IGF2R: variants seen among roughly 807,000 people sequenced by gnomAD.
IGF2R encodes cation-independent mannose-6-phosphate receptor.
In IGF2R, 91 loss-of-function variants were observed where a neutral mutation model predicts 270.6. The ratio of observed to expected loss-of-function variants is 0.34; its 90% CI spans 0.28 to 0.40. IGF2R has a LOEUF of 0.40. IGF2R is among the 10% of genes least tolerant of loss of function. The pLI, the probability that IGF2R is intolerant of heterozygous loss-of-function variation, is 1.00. For missense variants in IGF2R, 2,805 were observed against 3,188.3 expected (o/e 0.88, Z 2.90); for synonymous variants, 1,316 against 1,258.9 (o/e 1.05, Z -0.96).
intron 20 of IGF2R, 64 bp downstream of exon 20, chr6:160,056,589 G>C: frequency 2.8e-6 from 3 of 1,083,506 alleles, no homozygotes; most frequent in Non-Finnish European, 4.3e-6. Flanking sequence ...ACTCACCCCA[G>C]TGTTCCAGCT....
chr6:159,991,739 C>G (rs1437989493), intron 2 of IGF2R, among the ~76,000 whole-genome samples: 2 of 152,198 alleles, frequency 1.3e-5, no homozygotes, highest in Non-Finnish European at 2.9e-5. Context: ...AGTTCCCAGA[C>G]AGTGTTTCTG....
chr6:160,060,969 A>G (rs1778426640), intron 23 of IGF2R, among the ~76,000 whole-genome samples: 1 of 152,220 alleles, frequency 6.6e-6, no homozygotes, highest in Admixed American at 6.5e-5. Context: ...GATACATCTT[A>G]AGAACAGAGA....
At chr6:160,030,857 T>C (rs1192608102) in intron 7 of IGF2R, among the ~76,000 whole-genome samples, 1 of 150,606 alleles carries the variant, frequency 6.6e-6, no homozygotes, top group Admixed American at 6.6e-5. Context: ...AGTGTCTTGC[T>C]CTGTCGCCCC....
At chr6:160,056,094 G>A (rs1778311201) in intron 19 of IGF2R, among the ~76,000 whole-genome samples, 1 of 152,154 alleles carries the variant, frequency 6.6e-6, no homozygotes, top group East Asian at 1.9e-4. Flanking sequence ...TTGCCTTTGT[G>A]TATGGCTTCT....
intron 37 of IGF2R, among the ~76,000 whole-genome samples, chr6:160,079,187 G>C (rs1778920567): frequency 6.6e-6 from 1 of 152,210 alleles, no homozygotes; most frequent in African/African-American, 2.4e-5. Flanking sequence ...TCAGGTCCAT[G>C]CTTCAGCGTG....
intron 2 of IGF2R, among the ~76,000 whole-genome samples, chr6:159,993,343 G>A (rs893363025): frequency 2.6e-5 from 4 of 152,092 alleles, no homozygotes; most frequent in African/African-American, 9.7e-5. Context: ...CCTGGGTTTT[G>A]TTCTAGAATA....
At position 160,079,573 on chromosome 6, in the gene IGF2R, T is replaced by C; in HGVS notation, c.5479-7T>C. ...TCTGCTGACGGCCACGCATGGTTTT[T>C]GTCCAGGTGACTCGCGACTCGCGCA... On this transcript the variant is annotated splice_polypyrimidine_tract_variant and splice_region_variant and intron_variant, in intron 37 of 47. Coordinates refer to ENST00000356956, the MANE Select transcript of IGF2R (RefSeq NM_000876.4). The C allele has an allele frequency of 2.8e-6, 4 of 1,421,012 alleles. No homozygotes were observed. The highest frequency in any genetic ancestry group is 3.7e-6 in the Non-Finnish European group (4 of 1,080,968). 88.0% of individuals were successfully genotyped at this position (1,421,012 alleles called of 1,614,324 possible). A position where few individuals can be genotyped will look rare whatever the true frequency, so the allele number is the denominator to read the frequency against.
Position 160,047,921 on chromosome 6 carries a change from A to T in IGF2R, c.2345+14A>T, listed in dbSNP as rs1235677881. The T allele has an allele frequency of 6.5e-7, 1 of 1,540,840 alleles. No homozygotes were observed. On this transcript the variant is annotated intron_variant, in intron 17 of 47. Transcript: ENST00000356956. ...CGACCTCTCCAGGTGAGGCAGAGTC[A>T]GCTGCTCTGTTTTTGGCCTGGTACA...
intron 2 of IGF2R, among the ~76,000 whole-genome samples, chr6:160,002,985 A>C (rs1018832230): frequency 2.6e-5 from 4 of 152,206 alleles, no homozygotes; most frequent in African/African-American, 9.7e-5. Context: ...AACTTGAGGT[A>C]ATGTACTCAC....
In IGF2R at chr6:160,024,650, G is replaced by A; in HGVS notation, c.592G>A (p.Val198Met). 6.2e-7 allele frequency: 1 copy of A among 1,614,110 alleles called. No homozygotes were observed. Among genetic ancestry groups the A allele is most frequent in the Non-Finnish European group, 8.5e-7 (1 of 1,180,002 alleles). ...PLIKLSGAYLVDDSDPDTSLF... is the reference protein window; with the variant it reads ...PLIKLSGAYLMDDSDPDTSLF... ...GATCAAGCTTAGTGGTGCCTACTTG[G>A]TGGATGACTCCGATCCGGACACTTC... is the stretch of plus-strand genomic sequence containing the variant. The change falls in exon 5 of 48, where the codon GTG becomes ATG. Residue 198 changes from valine (V) to methionine (M), a missense_variant. Around this residue, in one of 2 missense-constraint regions of IGF2R, gnomAD observed 954 missense variants for 981.1 expected, o/e 0.97. Coordinates refer to ENST00000356956, the MANE Select transcript of IGF2R (RefSeq NM_000876.4).
At chr6:160,072,625 G>A in intron 32 of IGF2R, 140 bp from the exon 33 acceptor site, 1 of 802,428 alleles carries the variant, frequency 1.2e-6, no homozygotes, top group Non-Finnish European at 2.1e-6. Flanking sequence ...GGCTGTTGGT[G>A]GAGGATTTAG....
At position 160,083,995 on chromosome 6, in the gene IGF2R, A is replaced by G; in HGVS notation, c.5879A>G (p.Asp1960Gly). 1 of 1,614,184 alleles carries G rather than the reference A, an allele frequency of 6.2e-7. No homozygotes were observed. The highest frequency in any genetic ancestry group is 8.5e-7 in the Non-Finnish European group (1 of 1,179,992). ...TSSIIFKCDE[D>G]EDIGRPQVFS... ...AGCATCATATTTAAGTGTGATGAAG[A>G]TGAGGACATTGGGAGGCCACAAGTC... The change falls in exon 40 of 48, where the codon GAT (aspartate) becomes GGT (glycine). Residue 1960 changes from aspartate (D) to glycine (G), a missense_variant. Asp to Gly is a moderately conservative substitution (Grantham distance 94, BLOSUM62 -1). Coordinates refer to ENST00000356956, the MANE Select transcript of IGF2R (RefSeq NM_000876.4).
rs969491941 is a variant in IGF2R at position 160,028,260 on chromosome 6, G to T, written c.776+946G>T. On this transcript the variant is annotated intron_variant, in intron 6 of 47. Coordinates refer to ENST00000356956, the MANE Select transcript of IGF2R (RefSeq NM_000876.4). Reference sequence around the variant, plus strand: ...TTCACGTGGCCTTCCCTCTGCGGGGGTCTGTGTCCGAATCTCCTCTTCTGA... The same window carrying T: ...TTCACGTGGCCTTCCCTCTGCGGGGTTCTGTGTCCGAATCTCCTCTTCTGA... Among the ~76,000 whole-genome samples, 14 of 152,174 alleles carry T rather than the reference G, an allele frequency of 9.2e-5. 1 individual carries two copies. Among genetic ancestry groups the T allele is most frequent in the Non-Finnish European group, 1.6e-4 (11 of 68,032 alleles).
In IGF2R at chr6:160,076,003, G is replaced by A; in HGVS notation, c.5316+7G>A. ...TAAGAGAGGTGTGAGCATGGTAAGTGTGGGCCTGTGACGATCTAGATGCTC... is the reference window on the plus strand; with the variant it reads ...TAAGAGAGGTGTGAGCATGGTAAGTATGGGCCTGTGACGATCTAGATGCTC... On this transcript the variant is annotated splice_region_variant and intron_variant, in intron 36 of 47. Transcript: ENST00000356956. 5 of 1,613,982 alleles carry A rather than the reference G, an allele frequency of 3.1e-6. No homozygotes were observed. Among genetic ancestry groups the A allele is most frequent in the Non-Finnish European group, 4.2e-6 (5 of 1,179,876 alleles).
Position 160,027,203 on chromosome 6 carries a change from G to A in IGF2R, c.665G>A (p.Gly222Asp), listed in dbSNP as rs1777579991. ...TTTTCAGACACACTACGAGACCCAG[G>A]TTCACAGCTGCGGGCCTGTCCCCCC... ...CRDIDTLRDP[G>D]SQLRACPPGT... Residue 222 changes from glycine to aspartate, a missense_variant, in exon 6 of 48, where the codon GGT (glycine) becomes GAT (aspartate). Coordinates refer to ENST00000356956, the MANE Select transcript of IGF2R (RefSeq NM_000876.4). The A allele has an allele frequency of 1.2e-6, 2 of 1,614,104 alleles. No homozygotes were observed. Among genetic ancestry groups the A allele is most frequent in the African/African-American group, 2.7e-5 (2 of 74,946 alleles).
intron 1 of IGF2R, among the ~76,000 whole-genome samples, chr6:159,988,893 A>G (rs182482491): frequency 6.6e-5 from 10 of 152,330 alleles, no homozygotes; most frequent in Admixed American, 2.6e-4. Context: ...CTTGTGAAAC[A>G]CATGAATAAA....
chr6:160,102,402 T>TC lies in IGF2R; in HGVS notation c.6843-116dup, dbSNP rs1562380325. On this transcript the variant is annotated intron_variant, in intron 45 of 47. Coordinates refer to ENST00000356956, the MANE Select transcript of IGF2R (RefSeq NM_000876.4). The surrounding 1 kb of genome is among the most constrained non-coding windows in gnomAD (Gnocchi z 4.5). ...CTTGTTTTCTGGGCAGGAGTAAGAA[T>TC]CACATGGTGTTGGGAAAGTCAGAGC... is the stretch of plus-strand genomic sequence containing the variant. 1 of 1,125,418 alleles carries TC rather than the reference T, an allele frequency of 8.9e-7. No individual in the cohort carries two copies. Among genetic ancestry groups the TC allele is most frequent in the African/African-American group, 1.6e-5 (1 of 64,506 alleles). The allele number at this position is 1,125,418 out of a possible 1,614,324, so 69.7% of individuals were successfully genotyped here.
chr6:160,049,843 A>G (rs1055378725), intron 18 of IGF2R, among the ~76,000 whole-genome samples: 3 of 152,224 alleles, frequency 2.0e-5, no homozygotes, highest in African/African-American at 7.2e-5. Context: ...GCGGCCAGTC[A>G]GTACGCTGAG....
chr6:160,077,173 G>A (rs1305671197), intron 36 of IGF2R, among the ~76,000 whole-genome samples: 1 of 152,178 alleles, frequency 6.6e-6, no homozygotes, highest in Non-Finnish European at 1.5e-5. Context: ...GAATCTTAGA[G>A]TGTAGTGACA....
Sources: allele counts gnomAD v4.1 joint callset (sites outside exome capture counted in the v4.1 genomes callset), GRCh38; gene constraint gnomAD v4.1.1; regional missense constraint gnomAD v4.1.1; non-coding constraint Gnocchi (gnomAD v3.1); transcripts MANE v1.5; gene names NCBI Gene and HGNC (gene_info 2026-07-23, HGNC 2026-07-21).